The following DNAH8 variants were observed in gnomAD, a reference collection of about 807,000 sequenced individuals.
DNAH8 encodes axonemal beta dynein heavy chain 8.
Under a neutral mutation model 562.1 loss-of-function variants are expected in DNAH8, and 382 were observed. That is an observed-to-expected ratio of 0.68 (90% confidence interval 0.63 to 0.74). DNAH8 has a LOEUF of 0.74. Among genes scored for constraint, DNAH8 ranks in the 30% least tolerant of loss-of-function variants. The pLI, the probability that DNAH8 is intolerant of heterozygous loss-of-function variation, is 0.00. For missense variants in DNAH8, 5,203 were observed against 5,620.4 expected, an observed-to-expected ratio of 0.93 and a Z score of 2.37; for synonymous variants, 1,881 against 1,919.4, an observed-to-expected ratio of 0.98 and a Z score of 0.52.
chr6:38,951,300 A>G lies in DNAH8; in HGVS notation c.12249-18A>G. On this transcript the variant is annotated intron_variant, in intron 81 of 92. Coordinates refer to ENST00000327475, the MANE Select transcript of DNAH8 (RefSeq NM_001206927.2). ...GAACACGTTTAGTTTATTTCGCCTA[A>G]CTTGTATTCATTTTTAGGTCTTGGT... 1 of 1,610,524 alleles carries G rather than the reference A, an allele frequency of 6.2e-7. No individual in the cohort carries two copies.
chr6:38,717,904 CCTT>C (rs1377788372), intron 1 of DNAH8, among the ~76,000 whole-genome samples: 13 of 152,064 alleles, frequency 8.5e-5, no homozygotes, highest in Non-Finnish European at 1.9e-4. Flanking sequence ...GCATATTAAA[CCTT>C]CTTAAAGTAT....
chr6:39,004,179 C>A (rs1156444573), intron 88 of DNAH8, among the ~76,000 whole-genome samples: 1 of 152,042 alleles, frequency 6.6e-6, no homozygotes, highest in Non-Finnish European at 1.5e-5. Flanking sequence ...AGTGTTAAGT[C>A]CAGCCTGGGC....
chr6:38,887,287 G>A (rs931758358), intron 57 of DNAH8, among the ~76,000 whole-genome samples: 1 of 152,130 alleles, frequency 6.6e-6, no homozygotes, highest in Admixed American at 6.5e-5. Context: ...AGAAATTTGG[G>A]CCAATAAATG....
chr6:38,978,569 C>G (rs114612270), intron 85 of DNAH8, among the ~76,000 whole-genome samples: 2 of 152,172 alleles, frequency 1.3e-5, no homozygotes, highest in South Asian at 2.1e-4. Flanking sequence ...CTATTTTTAC[C>G]TAGTAAAGTT....
chr6:39,013,114 T>G (rs1050831711), intron 91 of DNAH8, among the ~76,000 whole-genome samples: 1 of 152,234 alleles, frequency 6.6e-6, no homozygotes, highest in African/African-American at 2.4e-5. Context: ...TTTCTTTTTC[T>G]TTTTTCCTGA....
Position 38,886,944 on chromosome 6 carries a change from A to G in DNAH8, c.8413A>G (p.Arg2805Gly). The G allele has an allele frequency of 6.2e-7, 1 of 1,614,082 alleles. No homozygotes were observed. ...AAATGATATTCCACAACGTTTAAAA[A>G]GACAATTTACTGTGTTTAATTGTAC... is the stretch of plus-strand genomic sequence containing the variant. ...GRNDIPQRLK[R>G]QFTVFNCTLP... The change falls in exon 57 of 93, where the codon AGA becomes GGA. Residue 2805 changes from arginine (R) to glycine (G), a missense_variant. By Grantham distance (125) the Arg-to-Gly change is moderately radical. This residue lies in a region of DNAH8 where 977 missense variants were observed against 1,061.8 expected (regional missense o/e 0.92). Coordinates refer to ENST00000327475, the MANE Select transcript of DNAH8 (RefSeq NM_001206927.2).
At chr6:38,945,816 G>T (rs150575466) in intron 80 of DNAH8, among the ~76,000 whole-genome samples, 2 of 152,250 alleles carry the variant, frequency 1.3e-5, no homozygotes, top group Non-Finnish European at 2.9e-5. Context: ...TGGTGGGCAT[G>T]GGTCATTTTT....
chr6:38,882,670 A>G (rs191575240), intron 53 of DNAH8, among the ~76,000 whole-genome samples: 3 of 152,182 alleles, frequency 2.0e-5, no homozygotes, highest in Non-Finnish European at 4.4e-5. Context: ...TATCTAACAG[A>G]CCTGCACATG....
intron 88 of DNAH8, among the ~76,000 whole-genome samples, chr6:39,000,107 T>C (rs570729367): frequency 6.6e-6 from 1 of 152,198 alleles, no homozygotes; most frequent in Non-Finnish European, 1.5e-5. Context: ...TTGGCCTCAA[T>C]TCAACAAACA....
At chr6:38,759,911 A>G (rs1354004365) in intron 10 of DNAH8, among the ~76,000 whole-genome samples, 1 of 152,032 alleles carries the variant, frequency 6.6e-6, no homozygotes, top group Admixed American at 6.6e-5. Flanking sequence ...GTTGAGCCCA[A>G]TCTCTCTTTC....
intron 12 of DNAH8, among the ~76,000 whole-genome samples, chr6:38,771,450 G>T (rs867905396): frequency 1.3e-5 from 2 of 152,104 alleles, no homozygotes; most frequent in Admixed American, 1.3e-4. Flanking sequence ...ATGTTTTCTA[G>T]TGTATTAACA....
rs754990283 is a variant in DNAH8 at position 38,870,508 on chromosome 6, G to A, written c.6936G>A (p.Gln2312=). The change falls in exon 49 of 93, where the codon CAG becomes CAA. Residue 2312 remains glutamine (Q), a synonymous_variant. Transcript: ENST00000327475. ...YAELQNAVAH[Q]VQIEGLINHP... ...AACTGCAAAACGCAGTAGCCCATCA[G>A]GTTCAGATAGAGGGTTTGATTAACC... The A allele has an allele frequency of 1.2e-5, 20 of 1,613,912 alleles. No individual in the cohort carries two copies. The highest frequency in any genetic ancestry group is 1.5e-5 in the Non-Finnish European group (18 of 1,179,964).
intron 82 of DNAH8, among the ~76,000 whole-genome samples, chr6:38,958,646 C>CAAA (rs35382684): frequency 0.01 from 579 of 57,438 alleles, 2 homozygotes; most frequent in East Asian, 0.013. Context: ...AGTCTCCCAT[C>CAAA]AAAAAAAAAA....
chr6:38,757,546 T>C (rs1411880977), intron 10 of DNAH8, among the ~76,000 whole-genome samples: 1 of 152,232 alleles, frequency 6.6e-6, no homozygotes, highest in African/African-American at 2.4e-5. Context: ...TTTGTCAATT[T>C]TGGCTTCTGT....
At chr6:38,855,357 T>G (rs972469219) in intron 41 of DNAH8, among the ~76,000 whole-genome samples, 3 of 152,206 alleles carry the variant, frequency 2.0e-5, no homozygotes, top group Non-Finnish European at 2.9e-5. Flanking sequence ...GCACGTGTAT[T>G]CCGAAACTTA....
intron 7 of DNAH8, among the ~76,000 whole-genome samples, chr6:38,740,685 G>T (rs1190995850): frequency 3.9e-5 from 6 of 151,938 alleles, no homozygotes; most frequent in Non-Finnish European, 7.4e-5. Flanking sequence ...CATGATCATA[G>T]CTCACTGCAG....
Position 38,909,537 on chromosome 6 carries a change from C to A in DNAH8, c.9533C>A (p.Ala3178Asp). Residue 3178 changes from alanine (A) to aspartate (D), a missense_variant, in exon 65 of 93, where the codon GCC becomes GAC. Physicochemically the swap from Ala to Asp is moderately radical, Grantham distance 126. This residue lies in a region of DNAH8 where 977 missense variants were observed against 1,061.8 expected (regional missense o/e 0.92). Transcript: ENST00000327475. ...CAATAGGTTGGTGAGAAGTTCCGTG[C>A]CCGTTCTTTGAAATTTCCTGGCTTG... is the stretch of plus-strand genomic sequence containing the variant. The part of the protein sequence containing the change: ...CFSPVGEKFR[A>D]RSLKFPGLIS... 1 of 1,614,062 alleles carries A rather than the reference C, an allele frequency of 6.2e-7. No individual in the cohort carries two copies. The highest frequency in any genetic ancestry group is 8.5e-7 in the Non-Finnish European group (1 of 1,179,988).
intron 26 of DNAH8, among the ~76,000 whole-genome samples, chr6:38,817,691 A>C (rs769020614): frequency 3.3e-5 from 5 of 152,230 alleles, no homozygotes; most frequent in Non-Finnish European, 7.3e-5. Context: ...GCAAAGATAT[A>C]CATGGACTCT....
Position 38,737,092 on chromosome 6 carries a change from C to T in DNAH8, c.788C>T (p.Ala263Val), listed in dbSNP as rs145115573. 5.4e-5 allele frequency: 85 copies of T among 1,563,160 alleles called. No individual in the cohort carries two copies. Among genetic ancestry groups the T allele is most frequent in the African/African-American group, 5.0e-4 (36 of 72,108 alleles). The change falls in exon 6 of 93, where the codon GCG becomes GTG. Residue 263 changes from alanine to valine, a missense_variant. Transcript: ENST00000327475. ...GAAGCGCTCTTTACTGTTCTGGATGCGTCGAAAGGACTCTTAAATGGAATT... is the reference window on the plus strand; with the variant it reads ...GAAGCGCTCTTTACTGTTCTGGATGTGTCGAAAGGACTCTTAAATGGAATT... Reference protein sequence around the residue: ...QEEALFTVLDASKGLLNGIRD... With the variant: ...QEEALFTVLDVSKGLLNGIRD...
Sources: gnomAD v4.1 joint callset for allele counts (sites outside exome capture counted in the v4.1 genomes callset) on GRCh38, gnomAD v4.1.1 for gene constraint, gnomAD v4.1.1 regional missense constraint, MANE v1.5 for transcripts, NCBI Gene and HGNC (gene_info 2026-07-23, HGNC 2026-07-21) for gene names.